Variants in CLASP1 observed in about 807,000 individuals in gnomAD.
The protein encoded by CLASP1 is CLIP-associating protein 1.
In CLASP1, 38 loss-of-function variants were observed where a neutral mutation model predicts 192.3. That is an observed-to-expected ratio of 0.20 (90% CI 0.15 to 0.26). The LOEUF (loss-of-function observed/expected upper bound fraction) is 0.26, where lower values mean the gene tolerates loss of function less well. CLASP1 is among the 10% of genes least tolerant of loss of function. The pLI is 1.00. For synonymous variants in CLASP1, 691 were observed against 712.8 expected (o/e 0.97, Z 0.49); for missense variants, 1,433 against 1,932.5 (o/e 0.74, Z 4.85).
chr2:121,601,269 A>G (rs1174135784), intron 2 of CLASP1, among the ~76,000 whole-genome samples: 2 of 151,044 alleles, frequency 1.3e-5, no homozygotes, highest in East Asian at 3.9e-4. Flanking sequence ...AAAAGCGTTC[A>G]GCATTTTTTT....
At chr2:121,408,981 C>T (rs2077301950) in intron 24 of CLASP1, 2 of 1,514,556 alleles carry the variant, frequency 1.3e-6, no homozygotes, top group Admixed American at 2.1e-5. Flanking sequence ...ATACTTGCAA[C>T]AGGAGAAATA....
chr2:121,434,860 C>T (rs372135159), intron 19 of CLASP1, among the ~76,000 whole-genome samples: 5 of 152,022 alleles, frequency 3.3e-5, no homozygotes, highest in Admixed American at 2.6e-4. Flanking sequence ...TGGTGGTGCA[C>T]GCCTGCAATC....
At chr2:121,586,086 C>CA (rs1182275498) in intron 2 of CLASP1, among the ~76,000 whole-genome samples, 5 of 152,070 alleles carry the variant, frequency 3.3e-5, no homozygotes, top group Non-Finnish European at 7.4e-5. Flanking sequence ...ATACATAATA[C>CA]AAACATAGCT....
At chr2:121,605,937 T>G in exon 2 of CLASP1, 4 of 1,565,916 alleles carry the variant, frequency 2.6e-6, no homozygotes, top group Non-Finnish European at 3.5e-6. Context: ...TAGAGGGCAG[T>G]CACGATGACT....
chr2:121,426,651 C>CA (rs201146298), intron 21 of CLASP1, among the ~76,000 whole-genome samples: 14 of 150,794 alleles, frequency 9.3e-5, no homozygotes, highest in African/African-American at 2.4e-4. Flanking sequence ...AAGTAAATCT[C>CA]AAAAAAAAAT....
intron 6 of CLASP1, among the ~76,000 whole-genome samples, chr2:121,523,163 C>T (rs2094495654): frequency 6.6e-6 from 1 of 152,246 alleles, no homozygotes; most frequent in African/African-American, 2.4e-5. Flanking sequence ...AGGTGTCTTA[C>T]ATTGCGTCAG....
chr2:121,443,247 T>C lies in CLASP1; in HGVS notation c.1912+4090A>G, dbSNP rs2083668601. 2.6e-5 allele frequency among the ~76,000 whole-genome samples: 4 copies of C among 151,706 alleles called. No individual in the cohort carries two copies. In the South Asian group the frequency reaches 8.3e-4, roughly 32 times the overall value. On this transcript the variant is annotated intron_variant, in intron 19 of 39. Coordinates refer to ENST00000263710, the Ensembl canonical transcript of CLASP1. Reference sequence around the variant, plus strand: ...TCCTGGACAATAACTGAGAGGGCAATTCTGACCTTACTCAGGACTGTGGAA... The same window carrying C: ...TCCTGGACAATAACTGAGAGGGCAACTCTGACCTTACTCAGGACTGTGGAA...
intron 1 of CLASP1, among the ~76,000 whole-genome samples, chr2:121,607,623 G>A (rs2064618557): frequency 6.6e-6 from 1 of 152,134 alleles, no homozygotes; most frequent in South Asian, 2.1e-4. Flanking sequence ...TTTAAACCAA[G>A]AAGACCCATA....
chr2:121,364,235 TC>T (rs1447473813), intron 36 of CLASP1: 1 of 152,308 alleles, frequency 6.6e-6, no homozygotes, highest in Non-Finnish European at 1.5e-5. Flanking sequence ...GCCATGCAAG[TC>T]CCCTCTAGCT....
chr2:121,363,536 C>T (rs563727697), intron 36 of CLASP1, among the ~76,000 whole-genome samples: 3 of 152,272 alleles, frequency 2.0e-5, no homozygotes, highest in East Asian at 3.9e-4. Flanking sequence ...CAGGACCCAG[C>T]GCCTGACAGG....
chr2:121,419,266 G>C (rs2079098808), intron 22 of CLASP1, among the ~76,000 whole-genome samples: 1 of 152,300 alleles, frequency 6.6e-6, no homozygotes, highest in East Asian at 1.9e-4. Flanking sequence ...ACCAAGAGAA[G>C]CCATAAGAGT....
intron 26 of CLASP1, chr2:121,403,647 C>T (rs1187667939): frequency 2.3e-6 from 1 of 439,182 alleles, no homozygotes. Flanking sequence ...AGGGCCTTCT[C>T]CCTAACAATA....
At chr2:121,483,542 A>C (rs2092766874) in intron 8 of CLASP1, among the ~76,000 whole-genome samples, 1 of 151,218 alleles carries the variant, frequency 6.6e-6, no homozygotes, top group African/African-American at 2.4e-5. Context: ...ATATGTATGT[A>C]TATATGTGTG....
At chr2:121,520,130 G>C (rs1227644152) in intron 6 of CLASP1, among the ~76,000 whole-genome samples, 1 of 152,122 alleles carries the variant, frequency 6.6e-6, no homozygotes, top group Non-Finnish European at 1.5e-5. Context: ...AGGGTGTAGA[G>C]GCTGGCAAGG....
At chr2:121,523,388 C>A (rs753411768) in intron 6 of CLASP1, among the ~76,000 whole-genome samples, 1 of 152,162 alleles carries the variant, frequency 6.6e-6, no homozygotes, top group Admixed American at 6.5e-5. Flanking sequence ...CAAGTTAACC[C>A]TAGATCTAAA....
intron 22 of CLASP1, 54 bp from the exon 23 acceptor site, chr2:121,418,783 G>A (rs1374074774): frequency 7.3e-6 from 9 of 1,226,350 alleles, no homozygotes; most frequent in South Asian, 1.2e-5. Flanking sequence ...AATGAAGACA[G>A]ATAAACTCAC....
chr2:121,462,515 C>T lies in CLASP1; in HGVS notation c.939+17G>A. On this transcript the variant is annotated intron_variant, in intron 10 of 39. Transcript: ENST00000263710. ...GTTGACCCTTGTTTGTAATCATACT[C>T]AAATATCCTCACTGACCTGTACTAC... 7.0e-7 allele frequency: 1 copy of T among 1,431,756 alleles called. No individual in the cohort carries two copies. Among genetic ancestry groups the T allele is most frequent in the Non-Finnish European group, 9.8e-7 (1 of 1,024,304 alleles). 88.7% of individuals were successfully genotyped at this position (1,431,756 alleles called of 1,614,324 possible).
chr2:121,600,225 G>A (rs748987558), intron 2 of CLASP1, among the ~76,000 whole-genome samples: 6 of 152,158 alleles, frequency 3.9e-5, no homozygotes, highest in Non-Finnish European at 8.8e-5. Flanking sequence ...TCCATACTCT[G>A]GGCTCCAGAT....
At chr2:121,402,919 T>C (rs1347629324) in intron 26 of CLASP1, among the ~76,000 whole-genome samples, 1 of 152,168 alleles carries the variant, frequency 6.6e-6, no homozygotes, top group Admixed American at 6.5e-5. Flanking sequence ...CTCAGCTCAC[T>C]GTAACCTCCA....
Sources: allele counts gnomAD v4.1 joint callset (sites outside exome capture counted in the v4.1 genomes callset), GRCh38; gene constraint gnomAD v4.1.1; transcripts MANE v1.5; gene names NCBI Gene and HGNC (gene_info 2026-07-23, HGNC 2026-07-21).